The following IGF2BP3 variants were observed in gnomAD, a reference collection of about 807,000 sequenced individuals.
IGF2BP3 encodes the protein insulin like growth factor 2 mRNA binding protein 3.
IGF2BP3 carries 9 observed loss-of-function variants against 73.8 expected under a neutral mutation model. The ratio of observed to expected loss-of-function variants is 0.12; its 90% CI spans 0.07 to 0.21. The LOEUF is 0.21. Ranked by LOEUF, IGF2BP3 falls within the 10% of genes least tolerant of loss-of-function variation. The pLI is 1.00. For synonymous variants in IGF2BP3, 258 were observed against 256.7 expected (o/e 1.01, Z -0.05); for missense variants, 542 against 714.0 (o/e 0.76, Z 2.75).
chr7:23,449,920 G>A (rs1052130361), intron 2 of IGF2BP3, among the ~76,000 whole-genome samples: 5 of 152,084 alleles, frequency 3.3e-5, no homozygotes, highest in Non-Finnish European at 7.4e-5. Flanking sequence ...TCAAAGTATG[G>A]TATAAGGAAT....
intron 10 of IGF2BP3, among the ~76,000 whole-genome samples, chr7:23,321,801 C>A (rs1021090635): frequency 4.6e-5 from 7 of 152,314 alleles, no homozygotes; most frequent in East Asian, 1.9e-4. Flanking sequence ...AGGCACCCCC[C>A]AGCAGGGGCA....
rs1039796019 is a variant in IGF2BP3 at position 23,432,332 on chromosome 7, T to C, written c.237-13508A>G. 4.6e-5 allele frequency among the ~76,000 whole-genome samples: 7 copies of C among 152,330 alleles called. No individual in the cohort carries two copies. The East Asian group carries it at 5.8e-4, about 13-fold the overall frequency. On this transcript the variant is annotated intron_variant, in intron 2 of 14. Transcript: ENST00000258729. ...ACTGCTATGTCTTTCTTTTAGAAGA[T>C]TAAATGTTCCTTGAAGAAACATAGT...
chr7:23,313,094 A>C (rs1274177545), intron 13 of IGF2BP3, among the ~76,000 whole-genome samples: 1 of 152,260 alleles, frequency 6.6e-6, no homozygotes, highest in African/African-American at 2.4e-5. Flanking sequence ...CTGATTCCAA[A>C]GTGTATGTAC....
At chr7:23,450,019 T>G (rs572390227) in intron 2 of IGF2BP3, among the ~76,000 whole-genome samples, 1 of 152,318 alleles carries the variant, frequency 6.6e-6, no homozygotes, top group Admixed American at 6.5e-5. Context: ...TGTGTTGTAT[T>G]TGCACTGGTA....
chr7:23,328,742 T>C (rs904260900), intron 10 of IGF2BP3, among the ~76,000 whole-genome samples: 2 of 152,210 alleles, frequency 1.3e-5, no homozygotes, highest in Admixed American at 6.5e-5. Flanking sequence ...TTTAGACCTC[T>C]ACAATCAACT....
At chr7:23,330,260 C>T (rs570926120) in intron 10 of IGF2BP3, among the ~76,000 whole-genome samples, 41 of 150,640 alleles carry the variant, frequency 2.7e-4, no homozygotes, top group African/African-American at 8.5e-4. Context: ...CACTCCAGCC[C>T]GGGTGACAGT....
chr7:23,351,643 T>A, intron 5 of IGF2BP3, 57 bp from the exon 6 acceptor site: 1 of 1,578,806 alleles, frequency 6.3e-7, no homozygotes, highest in Non-Finnish European at 8.6e-7. Flanking sequence ...TGACACATCT[T>A]TTAGCAAAGC....
intron 2 of IGF2BP3, among the ~76,000 whole-genome samples, chr7:23,460,313 A>G (rs1347169810): frequency 1.3e-5 from 2 of 151,954 alleles, no homozygotes; most frequent in African/African-American, 4.8e-5. Context: ...AGATTACCTG[A>G]AGTTATGAGT....
intron 2 of IGF2BP3, among the ~76,000 whole-genome samples, chr7:23,427,724 T>C (rs991792139): frequency 6.6e-6 from 1 of 151,132 alleles, no homozygotes; most frequent in African/African-American, 2.4e-5. Context: ...ATAGAAAAAT[T>C]AGGCCAGGCA....
At chr7:23,388,559 T>A (rs1230139054) in intron 3 of IGF2BP3, among the ~76,000 whole-genome samples, 1 of 150,364 alleles carries the variant, frequency 6.7e-6, no homozygotes, top group African/African-American at 2.4e-5. Flanking sequence ...GGAACAGAGA[T>A]AAATTTTGTC....
intron 12 of IGF2BP3, among the ~76,000 whole-genome samples, chr7:23,314,545 A>T (rs1034263762): frequency 3.3e-5 from 5 of 151,606 alleles, no homozygotes; most frequent in African/African-American, 1.2e-4. Context: ...TCCTGGGCTC[A>T]AGAGTCCTGC....
rs145785950 is a variant in IGF2BP3 at position 23,406,496 on chromosome 7, T to C, written c.285+12280A>G. On this transcript the variant is annotated intron_variant, in intron 3 of 14. Coordinates refer to ENST00000258729, the MANE Select transcript of IGF2BP3 (RefSeq NM_006547.3). ...TTCAGATGTTCAGATGTGTCCAGAG[T>C]TTCTTCCTTCCAGTGGGTTCGTGGT... Among the ~76,000 whole-genome samples, 235 of 152,112 alleles carry C rather than the reference T, an allele frequency of 1.5e-3. 3 individuals carry two copies. The East Asian group carries it at 0.026, about 17-fold the overall frequency.
chr7:23,422,585 T>C (rs1211374314), intron 2 of IGF2BP3, among the ~76,000 whole-genome samples: 4 of 152,192 alleles, frequency 2.6e-5, no homozygotes, highest in Non-Finnish European at 4.4e-5. Flanking sequence ...CCATTTGCCA[T>C]GTTTTCCCAA....
intron 2 of IGF2BP3, among the ~76,000 whole-genome samples, chr7:23,425,909 T>C (rs979321542): frequency 2.0e-5 from 3 of 151,172 alleles, no homozygotes; most frequent in Admixed American, 6.6e-5. Context: ...GAGGCTGCAG[T>C]GAGTGGTGGT....
chr7:23,317,788 A>C, intron 11 of IGF2BP3, 75 bp from the exon 12 acceptor site: 1 of 1,161,064 alleles, frequency 8.6e-7, no homozygotes, highest in Non-Finnish European at 1.3e-6. Flanking sequence ...CCAGCCTAAC[A>C]TTTGCATGTG....
At chr7:23,339,507 T>C (rs1183464825) in intron 10 of IGF2BP3, among the ~76,000 whole-genome samples, 1 of 152,238 alleles carries the variant, frequency 6.6e-6, no homozygotes, top group Non-Finnish European at 1.5e-5. Context: ...AAGTTCACTC[T>C]AGGAATTTTG....
In IGF2BP3 at chr7:23,313,540, A is replaced by G; in HGVS notation, c.1509T>C (p.Ile503=). ...TACTTGCCGTTTTGCCTCCTTTTCC[A>G]ATAACTCTGCCAGCAGCAAAGGATG... ...RVPSFAAGRV[I]GKGGKTVNEL... The change falls in exon 13 of 15, where the codon ATT becomes ATC. Residue 503 remains isoleucine, a synonymous_variant. Transcript: ENST00000258729. 1.2e-6 allele frequency: 2 copies of G among 1,614,054 alleles called. No homozygotes were observed. Among genetic ancestry groups the G allele is most frequent in the Non-Finnish European group, 1.7e-6 (2 of 1,180,022 alleles).
chr7:23,381,505 T>C (rs1382463017), intron 3 of IGF2BP3, among the ~76,000 whole-genome samples: 1 of 152,220 alleles, frequency 6.6e-6, no homozygotes, highest in Non-Finnish European at 1.5e-5. Flanking sequence ...ATTTATTATA[T>C]ACTCTCTACT....
intron 2 of IGF2BP3, among the ~76,000 whole-genome samples, chr7:23,454,875 G>A (rs573834840): frequency 6.6e-6 from 1 of 152,290 alleles, no homozygotes; most frequent in African/African-American, 2.4e-5. Context: ...CAGCACCATT[G>A]ATTGTCTTGC....
Sources: allele counts gnomAD v4.1 joint callset (sites outside exome capture counted in the v4.1 genomes callset), GRCh38; gene constraint gnomAD v4.1.1; transcripts MANE v1.5; gene names NCBI Gene and HGNC (gene_info 2026-07-23, HGNC 2026-07-21).